The following PLPPR5 variants were observed in gnomAD, a reference collection of about 807,000 sequenced individuals.
PLPPR5 encodes the protein phospholipid phosphatase-related protein type 5.
Under a neutral mutation model 33.9 loss-of-function variants are expected in PLPPR5, and 16 were observed. The observed-to-expected ratio is 0.47, with a 90% confidence interval of 0.32 to 0.72. The LOEUF is 0.72. Ranked by LOEUF, PLPPR5 falls within the 30% of genes least tolerant of loss-of-function variation. The pLI is 0.03. For synonymous variants in PLPPR5, 163 were observed against 150.3 expected (o/e 1.08, Z -0.62); for missense variants, 301 against 406.7 (o/e 0.74, Z 2.23).
At chr1:98,971,072 T>C (rs1651640670) in intron 1 of PLPPR5, among the ~76,000 whole-genome samples, 1 of 152,068 alleles carries the variant, frequency 6.6e-6, no homozygotes, top group South Asian at 2.1e-4. Context: ...AAGTGTGTAT[T>C]GGTGGGCAGT....
intron 4 of PLPPR5, among the ~76,000 whole-genome samples, chr1:98,915,141 C>T (rs1649297393): frequency 6.6e-6 from 1 of 152,086 alleles, no homozygotes; most frequent in Non-Finnish European, 1.5e-5. Context: ...TAAGAAAACT[C>T]ATCGGTTAAT....
At chr1:98,903,312 T>C (rs919559433) in intron 5 of PLPPR5, among the ~76,000 whole-genome samples, 2 of 152,172 alleles carry the variant, frequency 1.3e-5, no homozygotes, top group Non-Finnish European at 2.9e-5. Flanking sequence ...AGGTCCTATA[T>C]AACATTTATA....
At chr1:98,934,022 C>T (rs375918341) in intron 3 of PLPPR5, among the ~76,000 whole-genome samples, 2 of 152,148 alleles carry the variant, frequency 1.3e-5, no homozygotes, top group Non-Finnish European at 2.9e-5. Context: ...GCAGCATGGG[C>T]ACCAGGGGAG....
intron 1 of PLPPR5, among the ~76,000 whole-genome samples, chr1:98,986,793 C>A (rs1185319594): frequency 6.6e-6 from 1 of 151,712 alleles, no homozygotes; most frequent in Non-Finnish European, 1.5e-5. Context: ...AAATTTGGTC[C>A]TCTGTTACAA....
chr1:98,971,810 C>T (rs999926561), intron 1 of PLPPR5, among the ~76,000 whole-genome samples: 29 of 152,138 alleles, frequency 1.9e-4, no homozygotes, highest in African/African-American at 6.5e-4. Flanking sequence ...CTGTTCTTTC[C>T]ATTTCATTCA....
At chr1:98,938,541 A>C (rs1335810370) in intron 3 of PLPPR5, among the ~76,000 whole-genome samples, 4 of 148,322 alleles carry the variant, frequency 2.7e-5, no homozygotes, top group Non-Finnish European at 5.9e-5. Context: ...TATTTATATA[A>C]ATATAAATAT....
At chr1:98,921,754 T>C in intron 4 of PLPPR5, 128 bp downstream of exon 4, 3 of 721,634 alleles carry the variant, frequency 4.2e-6, no homozygotes, top group Non-Finnish European at 6.6e-6. Flanking sequence ...TTGTTTTATA[T>C]ACTTAAATGA....
intron 1 of PLPPR5, among the ~76,000 whole-genome samples, chr1:98,985,056 G>T (rs972743248): frequency 6.6e-6 from 1 of 152,052 alleles, no homozygotes; most frequent in Non-Finnish European, 1.5e-5. Context: ...CAACAAGCCT[G>T]ACCTTTGACC....
At chr1:98,936,405 G>A (rs558251670) in intron 3 of PLPPR5, among the ~76,000 whole-genome samples, 14 of 152,174 alleles carry the variant, frequency 9.2e-5, no homozygotes, top group Non-Finnish European at 1.8e-4. Flanking sequence ...CTCAGCTAGA[G>A]ACAAGGAGTC....
chr1:98,902,845 C>T (rs990195453), intron 5 of PLPPR5, among the ~76,000 whole-genome samples: 1 of 152,100 alleles, frequency 6.6e-6, no homozygotes, highest in Non-Finnish European at 1.5e-5. Flanking sequence ...TATTTATTCA[C>T]ATAAATCAGA....
chr1:98,922,582 A>G (rs1649606560), intron 3 of PLPPR5, among the ~76,000 whole-genome samples: 1 of 152,230 alleles, frequency 6.6e-6, no homozygotes, highest in African/African-American at 2.4e-5. Context: ...GTTACTTTGA[A>G]GGAAGACTTT....
intron 3 of PLPPR5, among the ~76,000 whole-genome samples, chr1:98,925,435 C>A (rs900765537): frequency 3.9e-5 from 6 of 152,182 alleles, no homozygotes; most frequent in Non-Finnish European, 5.9e-5. Flanking sequence ...CAAAGCTGAT[C>A]ATTTGCTCCC....
At chr1:98,951,357 G>A (rs1650777588) in intron 3 of PLPPR5, among the ~76,000 whole-genome samples, 1 of 152,138 alleles carries the variant, frequency 6.6e-6, no homozygotes, top group South Asian at 2.1e-4. Context: ...GCAAGAAAAA[G>A]CAATGCTGAT....
chr1:98,994,845 T>C (rs1652575411), intron 1 of PLPPR5, among the ~76,000 whole-genome samples: 1 of 152,050 alleles, frequency 6.6e-6, no homozygotes, highest in Non-Finnish European at 1.5e-5. Context: ...GATGAACTCA[T>C]TGGTAAAATC....
At chr1:99,005,025 G>T (rs754242199), upstream of PLPPR5, 3 of 153,056 alleles carry the variant, frequency 2.0e-5, no homozygotes, top group African/African-American at 7.2e-5. Flanking sequence ...GAGAAGCAGC[G>T]GCGCTGGGTC....
At chr1:98,910,049 A>G (rs1004238930) in intron 5 of PLPPR5, among the ~76,000 whole-genome samples, 4 of 152,252 alleles carry the variant, frequency 2.6e-5, no homozygotes, top group African/African-American at 2.4e-5. Context: ...ATGCTATACT[A>G]TAATTACACT....
intron 1 of PLPPR5, among the ~76,000 whole-genome samples, chr1:99,000,372 C>T (rs1405075690): frequency 6.6e-6 from 1 of 152,122 alleles, no homozygotes; most frequent in African/African-American, 2.4e-5. Context: ...AAACCACCAC[C>T]CATCAAACTT....
At chr1:98,946,477 G>A (rs771299233) in intron 3 of PLPPR5, among the ~76,000 whole-genome samples, 6 of 152,010 alleles carry the variant, frequency 3.9e-5, no homozygotes, top group South Asian at 2.1e-4. Flanking sequence ...GTACACCCTC[G>A]TGCTGAGGTT....
At chr1:98,920,572 A>T (rs923841139) in intron 4 of PLPPR5, among the ~76,000 whole-genome samples, 1 of 124,002 alleles carries the variant, frequency 8.1e-6, no homozygotes, top group Admixed American at 1.0e-4. Context: ...GGACCTTGGG[A>T]ATCACAGAGA....
Sources: gnomAD v4.1 joint callset for allele counts (sites outside exome capture counted in the v4.1 genomes callset) on GRCh38, gnomAD v4.1.1 for gene constraint, MANE v1.5 for transcripts, NCBI Gene and HGNC (gene_info 2026-07-23, HGNC 2026-07-21) for gene names.